Variants in FOXP2 observed in about 807,000 individuals in gnomAD.
The protein encoded by FOXP2 is forkhead box P2.
In FOXP2, 12 loss-of-function variants were observed where a neutral mutation model predicts 115.8. The observed-to-expected ratio is 0.10, with a 90% CI of 0.07 to 0.17. The LOEUF (loss-of-function observed/expected upper bound fraction) is 0.17. Among genes scored for constraint, FOXP2 ranks in the 10% least tolerant of loss-of-function variants. FOXP2 has a pLI of 1.00. For synonymous variants in FOXP2, 328 were observed against 297.7 expected (o/e 1.10, Z -1.05); for missense variants, 629 against 843.5 (o/e 0.75, Z 3.15).
chr7:114,574,540 A>G (rs557228733), intron 3 of FOXP2, among the ~76,000 whole-genome samples: 4 of 151,994 alleles, frequency 2.6e-5, no homozygotes, highest in African/African-American at 9.6e-5. Context: ...CCAAGATTCT[A>G]AATTTCACAA....
chr7:114,686,200 T>TCTCA (rs1472970925), intron 16 of FOXP2, among the ~76,000 whole-genome samples: 1 of 151,174 alleles, frequency 6.6e-6, no homozygotes, highest in Admixed American at 6.6e-5. Flanking sequence ...TGAGATGGAG[T>TCTCA]CTCACTCTGT....
At chr7:114,116,560 A>G (rs1236635938) in intron 1 of FOXP2, among the ~76,000 whole-genome samples, 1 of 152,116 alleles carries the variant, frequency 6.6e-6, no homozygotes, top group Non-Finnish European at 1.5e-5. Flanking sequence ...ACAGCTGTAA[A>G]TGAGAATAGG....
chr7:114,464,342 A>AGT (rs1795715004), intron 2 of FOXP2, among the ~76,000 whole-genome samples: 1 of 152,218 alleles, frequency 6.6e-6, no homozygotes, highest in Non-Finnish European at 1.5e-5. Flanking sequence ...TATGACCTTT[A>AGT]AAAAAGGAAA....
intron 2 of FOXP2, among the ~76,000 whole-genome samples, chr7:114,445,129 C>A (rs1163405201): frequency 6.6e-6 from 1 of 151,608 alleles, no homozygotes; most frequent in Non-Finnish European, 1.5e-5. Context: ...ATACCTCGTA[C>A]ATTTCTATAG....
chr7:114,427,212 C>A (rs1010968920), intron 2 of FOXP2, among the ~76,000 whole-genome samples: 1 of 151,586 alleles, frequency 6.6e-6, no homozygotes, highest in Admixed American at 6.6e-5. Context: ...TCTTGAAATT[C>A]ATTCCAAGAT....
chr7:114,108,373 G>GT (rs913163260), intron 1 of FOXP2, among the ~76,000 whole-genome samples: 37 of 151,972 alleles, frequency 2.4e-4, no homozygotes, highest in African/African-American at 8.2e-4. Context: ...TCAGAGGCTG[G>GT]TTTCCTAAAA....
At chr7:114,618,700 T>A (rs577819303) in intron 3 of FOXP2, among the ~76,000 whole-genome samples, 2 of 152,322 alleles carry the variant, frequency 1.3e-5, no homozygotes, top group South Asian at 4.1e-4. Flanking sequence ...TATTTACTTA[T>A]TTTTGATGTA....
intron 2 of FOXP2, among the ~76,000 whole-genome samples, chr7:114,308,338 A>G (rs1288640989): frequency 6.6e-6 from 1 of 152,190 alleles, no homozygotes; most frequent in Non-Finnish European, 1.5e-5. Context: ...AAAGTATACA[A>G]GGGACTGAAC....
At chr7:114,131,706 T>G (rs1461013286) in intron 1 of FOXP2, among the ~76,000 whole-genome samples, 1 of 152,208 alleles carries the variant, frequency 6.6e-6, no homozygotes, top group African/African-American at 2.4e-5. Flanking sequence ...AAAATTTGTC[T>G]GTTTTGAGAT....
intron 1 of FOXP2, among the ~76,000 whole-genome samples, chr7:114,254,615 A>C (rs1795553592): frequency 1.3e-5 from 2 of 151,984 alleles, no homozygotes; most frequent in South Asian, 4.1e-4. Context: ...TTCGTCACGT[A>C]GTTCTAGTGC....
intron 3 of FOXP2, among the ~76,000 whole-genome samples, chr7:114,613,515 A>T (rs1224771904): frequency 1.3e-5 from 2 of 152,002 alleles, no homozygotes; most frequent in Non-Finnish European, 2.9e-5. Flanking sequence ...CTCTACTAAA[A>T]ATACAAAAAA....
chr7:114,648,185 A>G (rs1161256996), intron 8 of FOXP2, among the ~76,000 whole-genome samples: 3 of 152,002 alleles, frequency 2.0e-5, no homozygotes, highest in Non-Finnish European at 4.4e-5. Flanking sequence ...TTTGTCTTTG[A>G]CTAGGCAGCA....
intron 13 of FOXP2, chr7:114,661,838 C>A (rs1427798091): frequency 4.3e-5 from 21 of 490,910 alleles, no homozygotes; most frequent in Non-Finnish European, 6.6e-5. Context: ...TTTGACACAG[C>A]TATTATTAAA....
At chr7:114,545,822 A>G (rs888628367) in intron 3 of FOXP2, among the ~76,000 whole-genome samples, 1 of 152,034 alleles carries the variant, frequency 6.6e-6, no homozygotes, top group Non-Finnish European at 1.5e-5. Flanking sequence ...CATCTTTTAA[A>G]TTTCAATTGT....
chr7:114,643,269 C>T (rs1805682954), intron 7 of FOXP2, among the ~76,000 whole-genome samples: 1 of 151,188 alleles, frequency 6.6e-6, no homozygotes. Flanking sequence ...TTGCTGAGAA[C>T]ATTTTTTAAG....
chr7:114,183,072 T>A (rs547418603), intron 1 of FOXP2, among the ~76,000 whole-genome samples: 1 of 151,584 alleles, frequency 6.6e-6, no homozygotes, highest in Non-Finnish European at 1.5e-5. Flanking sequence ...ATTGAGGGGG[T>A]GGTGGTAGAG....
At chr7:114,243,884 C>G (rs1391715434) in intron 1 of FOXP2, among the ~76,000 whole-genome samples, 1 of 150,468 alleles carries the variant, frequency 6.6e-6, no homozygotes, top group African/African-American at 2.4e-5. Flanking sequence ...TATGACCTTC[C>G]AGGCTAAGGT....
intron 1 of FOXP2, among the ~76,000 whole-genome samples, chr7:114,424,232 A>G (rs1232103541): frequency 6.6e-6 from 1 of 151,400 alleles, no homozygotes; most frequent in East Asian, 1.9e-4. Flanking sequence ...ATACATGTAG[A>G]ATTCTTTAAT....
At chr7:114,172,244 T>C (rs971340809) in intron 1 of FOXP2, among the ~76,000 whole-genome samples, 14 of 152,204 alleles carry the variant, frequency 9.2e-5, no homozygotes, top group African/African-American at 3.4e-4. Context: ...TGATACTTTA[T>C]TACGGTAGTC....
Sources: allele counts gnomAD v4.1 joint callset (sites outside exome capture counted in the v4.1 genomes callset), GRCh38; gene constraint gnomAD v4.1.1; transcripts MANE v1.5; gene names NCBI Gene and HGNC (gene_info 2026-07-23, HGNC 2026-07-21).